Variants in ZNF441 observed in about 807,000 individuals in gnomAD.
ZNF441 encodes zinc finger protein 441.
Under a neutral mutation model 64.5 loss-of-function variants are expected in ZNF441, and 25 were observed. That is an observed-to-expected ratio of 0.39 (90% CI 0.28 to 0.54). The LOEUF is 0.54. ZNF441 is among the 20% of genes least tolerant of loss of function. The pLI, the probability that ZNF441 is intolerant of heterozygous loss-of-function variation, is 0.70. For synonymous variants in ZNF441, 262 were observed against 268.0 expected, an observed-to-expected ratio of 0.98 and a Z score of 0.22; for missense variants, 715 against 843.3, an observed-to-expected ratio of 0.85 and a Z score of 1.88.
chr19:11,775,475 G>GC (rs1416406530), intron 1 of ZNF441, among the ~76,000 whole-genome samples: 1 of 151,890 alleles, frequency 6.6e-6, no homozygotes, highest in African/African-American at 2.4e-5. Flanking sequence ...GACTACAGGT[G>GC]CCCACCACCA....
chr19:11,783,536 G>A lies in ZNF441; in HGVS notation c.*1630G>A, dbSNP rs1263622784. The stretch of plus-strand genomic sequence containing the variant: ...ATGGAATTAACCTAAGCATCCATCA[G>A]TGGACACAGGGATAAAGAAAATGTT... On this transcript the variant is annotated 3_prime_UTR_variant, in exon 4 of 4. Transcript: ENST00000357901. The A allele has an allele frequency of 1.3e-5, 2 of 152,190 alleles. No homozygotes were observed. Among genetic ancestry groups the A allele is most frequent in the African/African-American group, 4.8e-5 (2 of 41,430 alleles). The allele number at this position is 152,190 out of a possible 1,614,324, so 9.4% of individuals were successfully genotyped here.
intron 1 of ZNF441, among the ~76,000 whole-genome samples, chr19:11,769,112 T>C (rs1975293827): frequency 6.6e-6 from 1 of 152,064 alleles, no homozygotes; most frequent in Non-Finnish European, 1.5e-5. Flanking sequence ...ATCAACCAAA[T>C]TGAAGAACTG....
In ZNF441 at chr19:11,767,011, G is replaced by C; in HGVS notation, c.-183G>C. 2.5e-6 allele frequency: 2 copies of C among 813,716 alleles called. No individual in the cohort carries two copies. Among genetic ancestry groups the C allele is most frequent in the Non-Finnish European group, 3.9e-6 (2 of 517,996 alleles). The allele number at this position is 813,716 out of a possible 1,614,324, so 50.4% of individuals were successfully genotyped here. A position where few individuals can be genotyped will look rare whatever the true frequency, so the allele number is the denominator to read the frequency against. ...GGGTCGTGAGAACTGTCAATCAGGC[G>C]CACTGACCGGAGGAGGGTGCAAGGT... is the stretch of plus-strand genomic sequence containing the variant. On this transcript the variant is annotated 5_prime_UTR_variant, in exon 1 of 4. Transcript: ENST00000357901. The surrounding 1 kb of genome is among the most constrained non-coding windows in gnomAD (Gnocchi z 5.1).
In ZNF441 at chr19:11,780,668, T is replaced by G. The variant is rs752769620; in HGVS notation, c.844T>G (p.Cys282Gly). 4 of 1,614,114 alleles carry G rather than the reference T, an allele frequency of 2.5e-6. No individual in the cohort carries two copies. Among genetic ancestry groups the G allele is most frequent in the Non-Finnish European group, 3.4e-6 (4 of 1,180,006 alleles). ...TCACACTGGAGAACAATCCTATGAATGTAAGCAATGTGGGAAAGCATTTTA... is the reference window on the plus strand; with the variant it reads ...TCACACTGGAGAACAATCCTATGAAGGTAAGCAATGTGGGAAAGCATTTTA... ...RTHTGEQSYE[C>G]KQCGKAFYHL... The change falls in exon 4 of 4, where the codon TGT becomes GGT. Residue 282 changes from cysteine to glycine, a missense_variant. Around this residue, in one of 2 missense-constraint regions of ZNF441, gnomAD observed 399 missense variants for 413.9 expected, o/e 0.96. Coordinates refer to ENST00000357901, the MANE Select transcript of ZNF441 (RefSeq NM_152355.3).
At chr19:11,772,348 G>A (rs364480) in intron 1 of ZNF441, among the ~76,000 whole-genome samples, 73,210 of 151,474 alleles carry the variant, frequency 0.48, 18,953 homozygotes, top group African/African-American at 0.69. Flanking sequence ...ACGCTCTCTC[G>A]TCACCGCACA....
In ZNF441 at chr19:11,781,222, A is replaced by G; in HGVS notation, c.1398A>G (p.Glu466=). The stretch of plus-strand genomic sequence containing the variant: ...CTTCCAATTACATTCGAGTACATGA[A>G]AAGACTCACACTGGAGAAAAGCCCT... ...FRSSNYIRVH[E]KTHTGEKPYE... Residue 466 remains glutamate, a synonymous_variant, in exon 4 of 4, where the codon GAA becomes GAG. Transcript: ENST00000357901. The G allele has an allele frequency of 6.2e-7, 1 of 1,613,806 alleles. No individual in the cohort carries two copies. The highest frequency in any genetic ancestry group is 8.5e-7 in the Non-Finnish European group (1 of 1,179,948).
intron 1 of ZNF441, 146 bp from the exon 2 acceptor site, chr19:11,777,465 G>A (rs762513884): frequency 2.0e-4 from 160 of 815,176 alleles, no homozygotes; most frequent in Non-Finnish European, 2.7e-4. Flanking sequence ...GATAAAATGA[G>A]TGTAAAGAGA....
At chr19:11,774,424 A>G (rs393086) in intron 1 of ZNF441, among the ~76,000 whole-genome samples, 77,056 of 152,070 alleles carry the variant, frequency 0.51, 21,640 homozygotes, top group African/African-American at 0.77. Context: ...TACTAGCAAG[A>G]CAGTTGTATC....
chr19:11,781,233 C>A lies in ZNF441; in HGVS notation c.1409C>A (p.Thr470Asn). The change falls in exon 4 of 4, where the codon ACT (threonine) becomes AAT (asparagine). Residue 470 changes from threonine (T) to asparagine (N), a missense_variant. By Grantham distance (65) the Thr-to-Asn change is moderately conservative. This residue lies in a region of ZNF441 where 316 missense variants were observed against 429.3 expected (regional missense o/e 0.74). Coordinates refer to ENST00000357901, the MANE Select transcript of ZNF441 (RefSeq NM_152355.3). ...NYIRVHEKTHTGEKPYECKQC... is the reference protein window; with the variant it reads ...NYIRVHEKTHNGEKPYECKQC... ...ATTCGAGTACATGAAAAGACTCACACTGGAGAAAAGCCCTATGAATGTAAG... is the reference window on the plus strand; with the variant it reads ...ATTCGAGTACATGAAAAGACTCACAATGGAGAAAAGCCCTATGAATGTAAG... 6.2e-7 allele frequency: 1 copy of A among 1,613,826 alleles called. No homozygotes were observed. Among genetic ancestry groups the A allele is most frequent in the Non-Finnish European group, 8.5e-7 (1 of 1,179,978 alleles).
rs1417231840 is a variant in ZNF441 at position 11,782,903 on chromosome 19, G to C, written c.*997G>C. The C allele has an allele frequency of 6.6e-6, 1 of 152,086 alleles. No individual in the cohort carries two copies. The highest frequency in any genetic ancestry group is 1.5e-5 in the Non-Finnish European group (1 of 68,008). The allele number at this position is 152,086 out of a possible 1,614,324, so 9.4% of individuals were successfully genotyped here. On this transcript the variant is annotated 3_prime_UTR_variant, in exon 4 of 4. Coordinates refer to ENST00000357901, the MANE Select transcript of ZNF441 (RefSeq NM_152355.3). ...ACATTGGTTTAGGCAAAGATTTTATGGCTAATACCTCAAAGCACAGACAAC... is the reference window on the plus strand; with the variant it reads ...ACATTGGTTTAGGCAAAGATTTTATCGCTAATACCTCAAAGCACAGACAAC...
chr19:11,775,264 G>GT (rs1004118455), intron 1 of ZNF441, among the ~76,000 whole-genome samples: 24 of 152,310 alleles, frequency 1.6e-4, no homozygotes, highest in South Asian at 1.2e-3. Flanking sequence ...GTGAAAATGT[G>GT]TTTTTTCCAG....
intron 1 of ZNF441, among the ~76,000 whole-genome samples, chr19:11,775,692 A>G (rs1018456751): frequency 5.5e-5 from 8 of 145,542 alleles, no homozygotes; most frequent in Non-Finnish European, 1.2e-4. Flanking sequence ...CAGTGGCTCA[A>G]TCTCGGCTCA....
chr19:11,770,264 A>G (rs557057910), intron 1 of ZNF441, among the ~76,000 whole-genome samples: 439 of 152,282 alleles, frequency 2.9e-3, no homozygotes, highest in Middle Eastern at 0.01. Context: ...TAAAACCGTC[A>G]GATTTCATGA....
intron 1 of ZNF441, among the ~76,000 whole-genome samples, chr19:11,772,339 C>T (rs1157149737): frequency 2.6e-5 from 4 of 152,186 alleles, no homozygotes; most frequent in Non-Finnish European, 5.9e-5. Context: ...TTTATTTCTA[C>T]GCTCTCTCGT....
Position 11,780,193 on chromosome 19 carries a change from A to G in ZNF441, c.369A>G (p.Arg123=), listed in dbSNP as rs1202047684. 1.2e-6 allele frequency: 2 copies of G among 1,614,100 alleles called. No individual in the cohort carries two copies. The highest frequency in any genetic ancestry group is 2.7e-5 in the African/African-American group (2 of 74,942). ...MGRSSLNCYV[R]VDSEHKPCEY... is the part of the protein sequence containing the mutation. ...GTTCATCTCTTAATTGCTACGTTAG[A>G]GTTGACAGTGAACACAAACCATGTG... Residue 123 remains arginine, a synonymous_variant, in exon 4 of 4, where the codon AGA becomes AGG. Coordinates refer to ENST00000357901, the MANE Select transcript of ZNF441 (RefSeq NM_152355.3).
chr19:11,773,327 T>C (rs1975330255), intron 1 of ZNF441, among the ~76,000 whole-genome samples: 1 of 152,224 alleles, frequency 6.6e-6, no homozygotes, highest in Admixed American at 6.5e-5. Flanking sequence ...AGAATTTCTA[T>C]TTTTAAAAAT....
Position 11,781,020 on chromosome 19 carries a change from C to G in ZNF441, c.1196C>G (p.Ala399Gly). 1.2e-6 allele frequency: 2 copies of G among 1,613,866 alleles called. No homozygotes were observed. The highest frequency in any genetic ancestry group is 1.7e-6 in the Non-Finnish European group (2 of 1,179,970). Residue 399 changes from alanine (A) to glycine (G), a missense_variant, in exon 4 of 4, where the codon GCC becomes GGC. Around this residue, in one of 2 missense-constraint regions of ZNF441, gnomAD observed 316 missense variants for 429.3 expected, o/e 0.74. Coordinates refer to ENST00000357901, the MANE Select transcript of ZNF441 (RefSeq NM_152355.3). ...EKPYKCECGKAFSDFYYFRNH... is the reference protein window; with the variant it reads ...EKPYKCECGKGFSDFYYFRNH... ...CCCTATAAATGTGAATGTGGGAAAG[C>G]CTTTAGTGATTTCTATTACTTTCGA... is the stretch of plus-strand genomic sequence containing the variant.
intron 1 of ZNF441, among the ~76,000 whole-genome samples, chr19:11,772,884 C>T (rs1443127545): frequency 1.3e-5 from 2 of 152,190 alleles, no homozygotes; most frequent in Non-Finnish European, 2.9e-5. Flanking sequence ...CAAAACTCCT[C>T]CTGGGTTCAC....
At chr19:11,778,695 C>T (rs978255386) in intron 3 of ZNF441, among the ~76,000 whole-genome samples, 6 of 152,118 alleles carry the variant, frequency 3.9e-5, no homozygotes, top group African/African-American at 1.2e-4. Flanking sequence ...TGTCCTTAAG[C>T]GTTCCTCCTG....
Sources: gnomAD v4.1 joint callset for allele counts (sites outside exome capture counted in the v4.1 genomes callset) on GRCh38, gnomAD v4.1.1 for gene constraint, gnomAD v4.1.1 regional missense constraint, Gnocchi (gnomAD v3.1) non-coding constraint, MANE v1.5 for transcripts, NCBI Gene and HGNC (gene_info 2026-07-23, HGNC 2026-07-21) for gene names.